The following MAMDC2 variants were observed in gnomAD, a reference collection of about 807,000 sequenced individuals.
The protein encoded by MAMDC2 is MAM domain containing 2, also known as MAM domain-containing protein 2.
MAMDC2 carries 57 observed loss-of-function variants against 89.8 expected under a neutral mutation model. The ratio of observed to expected loss-of-function variants is 0.63; its 90% CI spans 0.51 to 0.79. The LOEUF (loss-of-function observed/expected upper bound fraction) is 0.79, where lower values mean the gene tolerates loss of function less well. Among genes scored for constraint, MAMDC2 ranks in the 30% least tolerant of loss-of-function variants. The pLI, the probability that MAMDC2 is intolerant of heterozygous loss-of-function variation, is 0.00. For missense variants in MAMDC2, 800 were observed against 820.6 expected, an observed-to-expected ratio of 0.97 and a Z score of 0.31; for synonymous variants, 313 against 293.4, an observed-to-expected ratio of 1.07 and a Z score of -0.68.
chr9:70,099,811 C>T (rs989515930), intron 2 of MAMDC2, among the ~76,000 whole-genome samples: 1 of 152,032 alleles, frequency 6.6e-6, no homozygotes, highest in African/African-American at 2.4e-5. Flanking sequence ...CTCATCTCTA[C>T]TAAAAACACA....
At chr9:70,191,879 T>C (rs2032888004) in intron 11 of MAMDC2, among the ~76,000 whole-genome samples, 1 of 152,152 alleles carries the variant, frequency 6.6e-6, no homozygotes, top group Non-Finnish European at 1.5e-5. Context: ...CTCTCCGTAA[T>C]TTAAGAATTT....
intron 12 of MAMDC2, among the ~76,000 whole-genome samples, chr9:70,221,399 A>AGAGAGAGAGAGAGAGAGAGG (rs2033560790): frequency 8.3e-6 from 1 of 120,576 alleles, no homozygotes; most frequent in Non-Finnish European, 1.7e-5. Context: ...AGAGAGAGAG[A>AGAGAGAGAGAGAGAGAGAGG]GAGAGAGAGT....
chr9:70,089,753 C>T (rs1827847535), intron 2 of MAMDC2, among the ~76,000 whole-genome samples: 1 of 152,140 alleles, frequency 6.6e-6, no homozygotes, highest in Non-Finnish European at 1.5e-5. Flanking sequence ...GGTACAATGA[C>T]TCAATTGTAC....
chr9:70,143,059 A>G (rs1563972937), intron 8 of MAMDC2, among the ~76,000 whole-genome samples: 1 of 152,286 alleles, frequency 6.6e-6, no homozygotes, highest in East Asian at 1.9e-4. Flanking sequence ...TGACCAAGAG[A>G]GGAGTAGGCT....
chr9:70,133,807 G>A (rs1288131900), intron 7 of MAMDC2, among the ~76,000 whole-genome samples: 2 of 152,160 alleles, frequency 1.3e-5, no homozygotes, highest in Non-Finnish European at 2.9e-5. Flanking sequence ...TCATGAGACA[G>A]TATTATTTAC....
chr9:70,076,250 G>A (rs772981514), intron 2 of MAMDC2, among the ~76,000 whole-genome samples: 1 of 152,068 alleles, frequency 6.6e-6, no homozygotes, highest in South Asian at 2.1e-4. Flanking sequence ...GCAAAACCCC[G>A]TCTTTACTAA....
chr9:70,176,984 A>G (rs970849345), intron 11 of MAMDC2, among the ~76,000 whole-genome samples: 10 of 152,188 alleles, frequency 6.6e-5, no homozygotes, highest in Non-Finnish European at 1.5e-5. Context: ...TACCTATAAT[A>G]AAGCTTAATC....
intron 7 of MAMDC2, 26 bp from the exon 8 acceptor site, chr9:70,140,119 A>G: frequency 2.6e-6 from 4 of 1,541,894 alleles, no homozygotes; most frequent in South Asian, 2.6e-5. Flanking sequence ...TGGGACTGTC[A>G]TTAACTTTGC....
At chr9:70,104,998 A>AT (rs61167412) in intron 2 of MAMDC2, among the ~76,000 whole-genome samples, 2 of 152,070 alleles carry the variant, frequency 1.3e-5, no homozygotes, top group Admixed American at 6.5e-5. Flanking sequence ...TAAATAAAAC[A>AT]TTTTTTTACA....
chr9:70,221,212 G>A (rs1191779272), intron 12 of MAMDC2, among the ~76,000 whole-genome samples: 1 of 150,260 alleles, frequency 6.7e-6, no homozygotes, highest in Admixed American at 6.7e-5. Context: ...AGCCAAGGCC[G>A]GGCACAGTGG....
In MAMDC2 at chr9:70,140,272, C is replaced by T. The variant is rs1198103428; in HGVS notation, c.1122C>T (p.Asp374=). The change falls in exon 8 of 14, where the codon GAC becomes GAT. Residue 374 remains aspartate, a synonymous_variant. Coordinates refer to ENST00000377182, the MANE Select transcript of MAMDC2 (RefSeq NM_153267.5). ...KVKPNMYRAG[D]HTTGLGYYLL... is the part of the protein sequence containing the mutation. Reference sequence around the variant, plus strand: ...AACCAAACATGTATCGGGCTGGAGACCACACTACAGGCTTAGGTAAATCAG... The same window carrying T: ...AACCAAACATGTATCGGGCTGGAGATCACACTACAGGCTTAGGTAAATCAG... 3 of 1,601,270 alleles carry T rather than the reference C, an allele frequency of 1.9e-6. No individual in the cohort carries two copies. Among genetic ancestry groups the T allele is most frequent in the Admixed American group, 3.5e-5 (2 of 57,552 alleles).
At chr9:70,078,086 A>G (rs894466766) in intron 2 of MAMDC2, among the ~76,000 whole-genome samples, 18 of 152,110 alleles carry the variant, frequency 1.2e-4, no homozygotes, top group East Asian at 1.9e-4. Flanking sequence ...TTATTAGGAA[A>G]TAGAAAAAAA....
chr9:70,112,172 C>A (rs1205837490), intron 4 of MAMDC2, among the ~76,000 whole-genome samples: 1 of 152,162 alleles, frequency 6.6e-6, no homozygotes, highest in Non-Finnish European at 1.5e-5. Flanking sequence ...GTGGCCAGCA[C>A]AATTATACTT....
At chr9:70,221,612 AT>A (rs1387470649) in intron 12 of MAMDC2, among the ~76,000 whole-genome samples, 1 of 151,622 alleles carries the variant, frequency 6.6e-6, no homozygotes, top group Non-Finnish European at 1.5e-5. Context: ...AATGTATTGT[AT>A]ATTTCAAAAT....
At chr9:70,107,352 C>T (rs1828369280) in intron 2 of MAMDC2, among the ~76,000 whole-genome samples, 1 of 150,702 alleles carries the variant, frequency 6.6e-6, no homozygotes, top group African/African-American at 2.4e-5. Flanking sequence ...GGAGAATGAA[C>T]AGAGGAAAAG....
Position 70,068,753 on chromosome 9 carries a change from G to A in MAMDC2, c.148+24056G>A, listed in dbSNP as rs1208778381. Among the ~76,000 whole-genome samples the A allele has an allele frequency of 4.1e-5, 6 of 148,010 alleles. No homozygotes were observed. In the East Asian group the frequency reaches 1.2e-3, roughly 29 times the overall value. On this transcript the variant is annotated intron_variant, in intron 2 of 13. Transcript: ENST00000377182. ...AAAAAAAAAAAAAAAAAGGCAATAG[G>A]GAACAGGAAACAAACATCTAAATTC...
At chr9:70,130,008 C>G (rs796850942) in intron 6 of MAMDC2, among the ~76,000 whole-genome samples, 12 of 147,200 alleles carry the variant, frequency 8.2e-5, no homozygotes, top group African/African-American at 2.3e-4. Context: ...ACATGGCATT[C>G]TGTGTGTGTG....
chr9:70,117,001 A>G (rs1399413895), intron 5 of MAMDC2, among the ~76,000 whole-genome samples: 1 of 152,068 alleles, frequency 6.6e-6, no homozygotes, highest in Non-Finnish European at 1.5e-5. Context: ...CCCATATGTC[A>G]ATACTGTGGG....
chr9:70,179,859 T>C (rs1208485619), intron 11 of MAMDC2, among the ~76,000 whole-genome samples: 2 of 129,426 alleles, frequency 1.5e-5, no homozygotes, highest in Admixed American at 1.8e-4. Context: ...AAAGGATAAA[T>C]GGATAAAATA....
Sources: allele counts gnomAD v4.1 joint callset (sites outside exome capture counted in the v4.1 genomes callset), GRCh38; gene constraint gnomAD v4.1.1; transcripts MANE v1.5; gene names NCBI Gene and HGNC (gene_info 2026-07-23, HGNC 2026-07-21).